ARFIP1: variants seen among roughly 807,000 people sequenced by gnomAD.
ARFIP1 encodes the protein ARF interacting protein 1.
Under a neutral mutation model 42.5 loss-of-function variants are expected in ARFIP1, and 24 were observed. The observed-to-expected ratio is 0.57, with a 90% CI of 0.41 to 0.80. The LOEUF (loss-of-function observed/expected upper bound fraction) is 0.80. ARFIP1 is among the 30% of genes least tolerant of loss of function. The pLI is 0.00. For synonymous variants in ARFIP1, 141 were observed against 153.7 expected (o/e 0.92, Z 0.61); for missense variants, 354 against 434.0 (o/e 0.82, Z 1.64).
At chr4:152,803,716 A>G (rs1469865510) in intron 1 of ARFIP1, among the ~76,000 whole-genome samples, 1 of 152,004 alleles carries the variant, frequency 6.6e-6, no homozygotes, top group Non-Finnish European at 1.5e-5. Flanking sequence ...GCCAACTGCT[A>G]GGAGTAGGAG....
intron 8 of ARFIP1, among the ~76,000 whole-genome samples, chr4:152,898,864 A>G (rs531113415): frequency 6.6e-6 from 1 of 152,312 alleles, no homozygotes; most frequent in Non-Finnish European, 1.5e-5. Flanking sequence ...CCCTTCTTGA[A>G]GCACAGCATA....
chr4:152,908,891 AGTGTGTGTGTGTGTGTGTGTGTGTGT>A (rs58362465), intron 8 of ARFIP1, among the ~76,000 whole-genome samples: 4 of 132,562 alleles, frequency 3.0e-5, no homozygotes, highest in South Asian at 2.6e-4. Context: ...GCTAGAGAGA[AGTGTGTGTGTGTGTGTGTGTGTGTGT>A]GTGTGTGTGT....
At chr4:152,805,426 G>A (rs909706340) in intron 1 of ARFIP1, among the ~76,000 whole-genome samples, 3 of 152,188 alleles carry the variant, frequency 2.0e-5, no homozygotes, top group South Asian at 2.1e-4. Context: ...GTCCAATGAC[G>A]GCATCATTGC....
intron 2 of ARFIP1, among the ~76,000 whole-genome samples, chr4:152,852,224 A>G (rs925444353): frequency 2.0e-5 from 3 of 152,246 alleles, no homozygotes; most frequent in African/African-American, 7.2e-5. Context: ...TTAATTATAA[A>G]TGGGTCCATT....
intron 1 of ARFIP1, among the ~76,000 whole-genome samples, chr4:152,782,659 T>A (rs1730573671): frequency 6.6e-6 from 1 of 152,220 alleles, no homozygotes; most frequent in South Asian, 2.1e-4. Context: ...ACAAACAAGA[T>A]GTTTCAGTGG....
intron 2 of ARFIP1, among the ~76,000 whole-genome samples, chr4:152,855,262 T>C (rs573672024): frequency 2.0e-5 from 3 of 151,930 alleles, no homozygotes; most frequent in Non-Finnish European, 4.4e-5. Flanking sequence ...CCCCAGACTA[T>C]GTGTTCTGGC....
intron 8 of ARFIP1, among the ~76,000 whole-genome samples, chr4:152,907,230 GGTAAGTAAC>G (rs1162825507): frequency 1.3e-5 from 2 of 152,114 alleles, no homozygotes; most frequent in African/African-American, 4.8e-5. Flanking sequence ...TATGAATGGA[GGTAAGTAAC>G]ATTTTAGGTG....
chr4:152,793,312 CA>C (rs5863020), intron 1 of ARFIP1, among the ~76,000 whole-genome samples: 77,415 of 134,904 alleles, frequency 0.57, 21,528 homozygotes, highest in Admixed American at 0.69. Flanking sequence ...AACTCCGTCT[CA>C]AAAAAAAAAA....
chr4:152,900,599 C>T (rs923903056), intron 8 of ARFIP1, among the ~76,000 whole-genome samples: 2 of 152,180 alleles, frequency 1.3e-5, no homozygotes, highest in African/African-American at 2.4e-5. Context: ...GTTGCTTTAA[C>T]ATGACAGGCA....
chr4:152,850,480 A>G (rs190939723), intron 2 of ARFIP1, among the ~76,000 whole-genome samples: 1 of 150,896 alleles, frequency 6.6e-6, no homozygotes, highest in Admixed American at 6.6e-5. Context: ...GGACGAGGGC[A>G]GTGAGGAAGG....
At chr4:152,889,802 C>A (rs1736651912) in intron 8 of ARFIP1, among the ~76,000 whole-genome samples, 1 of 96,986 alleles carries the variant, frequency 1.0e-5, no homozygotes, top group African/African-American at 4.5e-5. Context: ...ATATACTATA[C>A]TATATACTAT....
At chr4:152,790,251 T>G (rs1731069452) in intron 1 of ARFIP1, among the ~76,000 whole-genome samples, 1 of 152,226 alleles carries the variant, frequency 6.6e-6, no homozygotes, top group Non-Finnish European at 1.5e-5. Context: ...AACTCTCCAA[T>G]TATCCATTGC....
chr4:152,887,757 A>G (rs1299137795), intron 7 of ARFIP1, among the ~76,000 whole-genome samples: 1 of 152,078 alleles, frequency 6.6e-6, no homozygotes, highest in Non-Finnish European at 1.5e-5. Context: ...TTAGTATGCC[A>G]TTCTAGAGTC....
intron 2 of ARFIP1, among the ~76,000 whole-genome samples, chr4:152,855,244 G>A (rs1216850318): frequency 2.0e-5 from 3 of 152,130 alleles, no homozygotes; most frequent in African/African-American, 7.2e-5. Flanking sequence ...GCTGGGCAAT[G>A]CTGTGGCCCC....
intron 8 of ARFIP1, among the ~76,000 whole-genome samples, chr4:152,908,891 A>AGTGT (rs58362465): frequency 0.057 from 7,549 of 132,450 alleles, 335 homozygotes; most frequent in African/African-American, 0.12. Flanking sequence ...GCTAGAGAGA[A>AGTGT]GTGTGTGTGT....
At chr4:152,788,387 A>G (rs979441265) in intron 1 of ARFIP1, among the ~76,000 whole-genome samples, 1 of 152,094 alleles carries the variant, frequency 6.6e-6, no homozygotes, top group Non-Finnish European at 1.5e-5. Context: ...ACTTTCCCCT[A>G]TTATAAGATA....
chr4:152,790,297 C>T (rs1731071440), intron 1 of ARFIP1, among the ~76,000 whole-genome samples: 1 of 152,178 alleles, frequency 6.6e-6, no homozygotes, highest in African/African-American at 2.4e-5. Flanking sequence ...TACCAAATAA[C>T]AGGTAACCTG....
intron 1 of ARFIP1, among the ~76,000 whole-genome samples, chr4:152,781,570 G>A (rs1023981086): frequency 1.3e-5 from 2 of 152,102 alleles, no homozygotes. Flanking sequence ...CTCTCAGAGC[G>A]GCTACAGATT....
chr4:152,907,786 A>G lies in ARFIP1; in HGVS notation c.967-2278A>G, dbSNP rs140424881. ...GACCACTCTATCTGTTCTCCTGTAT[A>G]TACAACTTTGTGGTGGTTTTCTTGC... On this transcript the variant is annotated intron_variant, in intron 8 of 8. Coordinates refer to ENST00000353617, the MANE Select transcript of ARFIP1 (RefSeq NM_001025595.3). 1.8e-3 allele frequency among the ~76,000 whole-genome samples: 275 copies of G among 152,314 alleles called. 2 individuals are homozygous for G. The highest frequency in any genetic ancestry group is 6.1e-3 in the African/African-American group (253 of 41,564).
Sources: allele counts gnomAD v4.1 joint callset (sites outside exome capture counted in the v4.1 genomes callset), GRCh38; gene constraint gnomAD v4.1.1; transcripts MANE v1.5; gene names NCBI Gene and HGNC (gene_info 2026-07-23, HGNC 2026-07-21).